NAV3: variants seen among roughly 807,000 people sequenced by gnomAD.
The protein encoded by NAV3 is pore membrane and/or filament interacting like protein 1.
In NAV3, 87 loss-of-function variants were observed where a neutral mutation model predicts 244.7. The ratio of observed to expected loss-of-function variants is 0.36; its 90% CI spans 0.30 to 0.42. The LOEUF is 0.42. Ranked by LOEUF, NAV3 falls within the 20% of genes least tolerant of loss-of-function variation. The pLI is 1.00. For synonymous variants in NAV3, 1,126 were observed against 1,042.2 expected (o/e 1.08, Z -1.55); for missense variants, 2,663 against 2,893.3 (o/e 0.92, Z 1.83).
chr12:77,613,336 G>C (rs1344190476), intron 2 of NAV3, among the ~76,000 whole-genome samples: 1 of 152,086 alleles, frequency 6.6e-6, no homozygotes, highest in Non-Finnish European at 1.5e-5. Flanking sequence ...AGCGTTGCTG[G>C]TGTCTAAATC....
chr12:77,858,252 G>A (rs1010869066), intron 1 of NAV3, among the ~76,000 whole-genome samples: 2 of 151,934 alleles, frequency 1.3e-5, no homozygotes, highest in East Asian at 3.9e-4. Context: ...AAAATTCACT[G>A]TTCATGGGAG....
chr12:77,623,024 A>G (rs1871450369), intron 2 of NAV3, among the ~76,000 whole-genome samples: 1 of 152,178 alleles, frequency 6.6e-6, no homozygotes, highest in Non-Finnish European at 1.5e-5. Context: ...CACATTAGAA[A>G]GTGATGGATA....
intron 2 of NAV3, among the ~76,000 whole-genome samples, chr12:77,603,861 G>T (rs114569742): frequency 0.011 from 1,647 of 152,184 alleles, 37 homozygotes; most frequent in African/African-American, 0.038. Flanking sequence ...AGTTATAGGA[G>T]GGAGATATGT....
chr12:77,831,635 A>G lies in NAV3; in HGVS notation c.174A>G (p.Leu58=). 6.2e-7 allele frequency: 1 copy of G among 1,614,052 alleles called. No homozygotes were observed. Among genetic ancestry groups the G allele is most frequent in the Non-Finnish European group, 8.5e-7 (1 of 1,179,938 alleles). ...ESSMLSCQLA[L]KSTCEFGEKK... ...CCATGCTTTCTTGTCAGCTTGCGTT[A>G]AAATCAACCTGTGAATTTGGAGAGA... Residue 58 remains leucine (L), a synonymous_variant, in exon 1 of 40, where the codon TTA becomes TTG. Coordinates refer to ENST00000397909, the MANE Select transcript of NAV3 (RefSeq NM_001024383.2).
chr12:78,005,105 A>G (rs1416727468), intron 7 of NAV3, among the ~76,000 whole-genome samples: 1 of 152,146 alleles, frequency 6.6e-6, no homozygotes, highest in Non-Finnish European at 1.5e-5. Flanking sequence ...ACCCTCTCCG[A>G]TCAACCCCAC....
intron 2 of NAV3, among the ~76,000 whole-genome samples, chr12:77,573,939 G>A (rs191156559): frequency 8.5e-5 from 13 of 152,252 alleles, no homozygotes; most frequent in East Asian, 3.9e-4. Flanking sequence ...AGTTCTTTGT[G>A]TGGAACTGTA....
intron 12 of NAV3, among the ~76,000 whole-genome samples, chr12:78,111,491 T>C (rs183022589): frequency 6.6e-6 from 1 of 152,172 alleles, no homozygotes; most frequent in East Asian, 1.9e-4. Flanking sequence ...ATATTCAAAT[T>C]TCCAATAAAT....
At chr12:77,630,577 C>A (rs1404351186) in intron 2 of NAV3, among the ~76,000 whole-genome samples, 1 of 152,054 alleles carries the variant, frequency 6.6e-6, no homozygotes, top group South Asian at 2.1e-4. Context: ...GTACCTTGCC[C>A]GTACATGTCT....
At chr12:78,079,075 A>G (rs1953214409) in intron 12 of NAV3, among the ~76,000 whole-genome samples, 1 of 152,126 alleles carries the variant, frequency 6.6e-6, no homozygotes, top group Non-Finnish European at 1.5e-5. Context: ...CCAAAATAAA[A>G]CTGTTATTTG....
chr12:77,733,329 GGAA>G (rs994717072), intron 2 of NAV3, among the ~76,000 whole-genome samples: 12 of 151,970 alleles, frequency 7.9e-5, no homozygotes, highest in African/African-American at 2.9e-4. Context: ...GAGAAAAACA[GGAA>G]GAAGAGCATT....
chr12:78,044,395 G>A (rs573643168), intron 9 of NAV3, among the ~76,000 whole-genome samples: 4 of 152,006 alleles, frequency 2.6e-5, no homozygotes, highest in Non-Finnish European at 5.9e-5. Flanking sequence ...TTTTCTTTAG[G>A]ATTATCTTGG....
At chr12:77,715,789 T>A (rs1876331563) in intron 2 of NAV3, among the ~76,000 whole-genome samples, 1 of 152,026 alleles carries the variant, frequency 6.6e-6, no homozygotes, top group South Asian at 2.1e-4. Context: ...TATATTTTTC[T>A]GCACACTGTG....
At chr12:78,117,327 TTA>T (rs1347846939) in intron 13 of NAV3, among the ~76,000 whole-genome samples, 5 of 145,322 alleles carry the variant, frequency 3.4e-5, no homozygotes, top group African/African-American at 1.2e-4. Context: ...TAATAGATAT[TTA>T]TATATATTAA....
At chr12:77,741,146 G>GCC (rs1868321359) in intron 2 of NAV3, among the ~76,000 whole-genome samples, 127 of 7,382 alleles carry the variant, frequency 0.017, no homozygotes, top group African/African-American at 0.054. Context: ...AAAAAAAAAA[G>GCC]ACAAAAAAAA....
At chr12:77,969,503 A>G (rs1892816078) in intron 5 of NAV3, among the ~76,000 whole-genome samples, 1 of 152,154 alleles carries the variant, frequency 6.6e-6, no homozygotes, top group Non-Finnish European at 1.5e-5. Context: ...AAATTGCAGT[A>G]CGCAGGTAGA....
intron 9 of NAV3, among the ~76,000 whole-genome samples, chr12:78,028,943 C>A (rs1878523825): frequency 6.6e-6 from 1 of 152,042 alleles, no homozygotes. Flanking sequence ...AATAGCATGC[C>A]AGCAGCAGTG....
chr12:77,851,927 C>A lies in NAV3; in HGVS notation c.243+20223C>A, dbSNP rs146787834. 4.0e-3 allele frequency among the ~76,000 whole-genome samples: 602 copies of A among 152,218 alleles called. 1 individual carries two copies. Among genetic ancestry groups the A allele is most frequent in the African/African-American group, 0.014 (576 of 41,514 alleles). On this transcript the variant is annotated intron_variant, in intron 1 of 39. Transcript: ENST00000397909. ...TCTCATTTAGTCTTCGTGTGTACTA[C>A]CGTTATCTTCACTTTTTAGATAAGG...
At chr12:77,964,219 C>T (rs892898818) in intron 3 of NAV3, among the ~76,000 whole-genome samples, 1 of 152,006 alleles carries the variant, frequency 6.6e-6, no homozygotes, top group African/African-American at 2.4e-5. Context: ...AACTTAGTTA[C>T]AGACTCAATG....
intron 23 of NAV3, among the ~76,000 whole-genome samples, chr12:78,159,882 A>G (rs1194004760): frequency 1.3e-5 from 2 of 152,110 alleles, no homozygotes; most frequent in African/African-American, 2.4e-5. Flanking sequence ...ACATAAGAGA[A>G]TATTCTGGGG....
Sources: gnomAD v4.1 joint callset for allele counts (sites outside exome capture counted in the v4.1 genomes callset) on GRCh38, gnomAD v4.1.1 for gene constraint, MANE v1.5 for transcripts, NCBI Gene and HGNC (gene_info 2026-07-23, HGNC 2026-07-21) for gene names.